Variants in ATXN7L1 observed in about 807,000 individuals in gnomAD.
ATXN7L1 encodes ataxin-7-like protein 1.
In ATXN7L1, 15 loss-of-function variants were observed where a neutral mutation model predicts 70.8. The ratio of observed to expected loss-of-function variants is 0.21; its 90% CI spans 0.14 to 0.33. The LOEUF (loss-of-function observed/expected upper bound fraction) is 0.33. Among genes scored for constraint, ATXN7L1 ranks in the 10% least tolerant of loss-of-function variants. ATXN7L1 has a pLI of 1.00. For synonymous variants in ATXN7L1, 440 were observed against 445.1 expected, an observed-to-expected ratio of 0.99 and a Z score of 0.14; for missense variants, 975 against 1,097.1, an observed-to-expected ratio of 0.89 and a Z score of 1.57.
intron 3 of ATXN7L1, among the ~76,000 whole-genome samples, chr7:105,772,503 G>A (rs1232338227): frequency 6.6e-6 from 1 of 152,162 alleles, no homozygotes; most frequent in Admixed American, 6.5e-5. Context: ...TTGACCCAAA[G>A]AAAATTGAAT....
At chr7:105,773,100 C>T (rs1802236308) in intron 3 of ATXN7L1, among the ~76,000 whole-genome samples, 1 of 152,218 alleles carries the variant, frequency 6.6e-6, no homozygotes, top group Non-Finnish European at 1.5e-5. Flanking sequence ...TCCTAAATTA[C>T]CATCTGGCAG....
At chr7:105,690,086 C>A (rs993530012) in intron 3 of ATXN7L1, among the ~76,000 whole-genome samples, 3 of 152,212 alleles carry the variant, frequency 2.0e-5, no homozygotes, top group African/African-American at 7.2e-5. Flanking sequence ...CTCACAGCAA[C>A]CTCCGCCTCC....
rs34008024 is a variant in ATXN7L1, at chr7:105,660,576, C to CTTTTTTTT, written c.578+4482_578+4489dup. On this transcript the variant is annotated intron_variant, in intron 4 of 11. Transcript: ENST00000419735. ...GTCCTTCTAATTTAGCGGAAGTGAC[C>CTTTTTTTT]TTTTTTTTTTTTTTTTTTTTTTTTG... Among the ~76,000 whole-genome samples, 28 of 78,156 alleles carry CTTTTTTTT rather than the reference C, an allele frequency of 3.6e-4. 1 individual carries two copies. The highest frequency in any genetic ancestry group is 4.5e-4 in the Non-Finnish European group (20 of 44,246). 51.3% of individuals were successfully genotyped at this position (78,156 alleles called of 152,430 possible).
chr7:105,787,523 C>A (rs1465497642), intron 3 of ATXN7L1, among the ~76,000 whole-genome samples: 1 of 151,976 alleles, frequency 6.6e-6, no homozygotes, highest in Non-Finnish European at 1.5e-5. Flanking sequence ...ATGTATATAT[C>A]ATATACATAC....
intron 2 of ATXN7L1, among the ~76,000 whole-genome samples, chr7:105,829,811 A>G (rs1253435469): frequency 6.6e-6 from 1 of 152,268 alleles, no homozygotes; most frequent in East Asian, 1.9e-4. Flanking sequence ...ACAAGCACTT[A>G]ACAACTGGAT....
In ATXN7L1 at chr7:105,817,408, T is replaced by G. The variant is rs148184293; in HGVS notation, c.251-28700A>C. On this transcript the variant is annotated intron_variant, in intron 2 of 11. Transcript: ENST00000419735. ...TGCTTGCATGTTATATTTACTGAAG[T>G]TGAAAACTGTACTGAGGTTATGTAA... Among the ~76,000 whole-genome samples the G allele has an allele frequency of 3.3e-3, 497 of 152,332 alleles. 3 individuals are homozygous for G. The highest frequency in any genetic ancestry group is 0.011 in the African/African-American group (475 of 41,564).
At chr7:105,609,562 T>A (rs1489443959) in intron 11 of ATXN7L1, among the ~76,000 whole-genome samples, 1 of 152,054 alleles carries the variant, frequency 6.6e-6, no homozygotes, top group African/African-American at 2.4e-5. Flanking sequence ...CCTCCCAGAC[T>A]TCAGTGATTC....
chr7:105,870,204 C>A (rs1159176080), intron 2 of ATXN7L1, among the ~76,000 whole-genome samples: 1 of 151,056 alleles, frequency 6.6e-6, no homozygotes, highest in Non-Finnish European at 1.5e-5. Context: ...ATCACTTCAA[C>A]CTGGGAGGTG....
intron 3 of ATXN7L1, among the ~76,000 whole-genome samples, chr7:105,751,823 T>TG (rs1299040464): frequency 1.3e-5 from 2 of 152,180 alleles, no homozygotes; most frequent in Non-Finnish European, 2.9e-5. Flanking sequence ...CCTGGGGATG[T>TG]GGGGGTAGAG....
Position 105,722,351 on chromosome 7 carries a change from C to T in ATXN7L1, c.356-57063G>A, listed in dbSNP as rs112409246. On this transcript the variant is annotated intron_variant, in intron 3 of 11. Transcript: ENST00000419735. ...CCAAGGCAGGCAGATCACCTGAGGT[C>T]GGGAGTTCAAGACCAGCCTGGCCAA... Among the ~76,000 whole-genome samples the T allele has an allele frequency of 3.0e-3, 456 of 151,974 alleles. 2 individuals carry two copies. The highest frequency in any genetic ancestry group is 4.6e-3 in the Non-Finnish European group (315 of 67,986).
intron 3 of ATXN7L1, among the ~76,000 whole-genome samples, chr7:105,780,303 C>G (rs1490360432): frequency 3.9e-5 from 6 of 152,184 alleles, no homozygotes; most frequent in African/African-American, 1.4e-4. Context: ...GGGGTGCCAG[C>G]CAGGACATGC....
intron 2 of ATXN7L1, among the ~76,000 whole-genome samples, chr7:105,849,461 C>T (rs1814558989): frequency 6.6e-6 from 1 of 152,208 alleles, no homozygotes; most frequent in Non-Finnish European, 1.5e-5. Context: ...CAGGGCTGGG[C>T]CCCCGCTAGA....
intron 2 of ATXN7L1, chr7:105,819,460 AAAG>A: frequency 1.5e-6 from 1 of 683,076 alleles, no homozygotes; most frequent in Non-Finnish European, 2.6e-6. Flanking sequence ...AAAAAAAAAA[AAAG>A]AGTGTCCTTT....
At chr7:105,871,015 T>C (rs1309705685) in intron 2 of ATXN7L1, among the ~76,000 whole-genome samples, 8 of 151,870 alleles carry the variant, frequency 5.3e-5, no homozygotes, top group Non-Finnish European at 1.0e-4. Context: ...CACCAAGAAG[T>C]TATAAATTGA....
intron 3 of ATXN7L1, among the ~76,000 whole-genome samples, chr7:105,749,984 C>T (rs1799006206): frequency 6.6e-6 from 1 of 151,886 alleles, no homozygotes; most frequent in Non-Finnish European, 1.5e-5. Flanking sequence ...CACGATACAC[C>T]TAAAATCTTA....
chr7:105,624,540 C>T (rs1795397765), intron 7 of ATXN7L1, among the ~76,000 whole-genome samples: 1 of 151,648 alleles, frequency 6.6e-6, no homozygotes, highest in African/African-American at 2.4e-5. Context: ...GTCCCAGCTA[C>T]TCAGGAGGCT....
intron 7 of ATXN7L1, among the ~76,000 whole-genome samples, chr7:105,636,348 T>C (rs1223412363): frequency 6.8e-6 from 1 of 147,730 alleles, no homozygotes; most frequent in Non-Finnish European, 1.5e-5. Flanking sequence ...TGAGCCGAGA[T>C]CGCGCCATTG....
chr7:105,864,771 C>T (rs148706436), intron 2 of ATXN7L1, among the ~76,000 whole-genome samples: 174 of 152,136 alleles, frequency 1.1e-3, no homozygotes, highest in African/African-American at 4.1e-3. Context: ...GCAGCTAGGA[C>T]TACAAGCACA....
chr7:105,876,577 T>C lies in ATXN7L1; in HGVS notation c.-19A>G, dbSNP rs749048117. 5.4e-6 allele frequency: 8 copies of C among 1,491,616 alleles called. No homozygotes were observed. The highest frequency in any genetic ancestry group is 2.3e-5 in the South Asian group (2 of 87,376). The allele number at this position is 1,491,616 out of a possible 1,614,324, so 92.4% of individuals were successfully genotyped here. ...ACGTCATCTTCGGAACGTTCCGACA[T>C]TGAGTGTTCTGAAAGGGGGAGGGAG... On this transcript the variant is annotated 5_prime_UTR_variant, in exon 1 of 12. It removes an upstream start codon present in the reference 5' UTR. Coordinates refer to ENST00000419735, the MANE Select transcript of ATXN7L1 (RefSeq NM_020725.2).
Sources: allele counts gnomAD v4.1 joint callset (sites outside exome capture counted in the v4.1 genomes callset), GRCh38; gene constraint gnomAD v4.1.1; transcripts MANE v1.5; gene names NCBI Gene and HGNC (gene_info 2026-07-23, HGNC 2026-07-21).